HENMT1: variants seen among roughly 807,000 people sequenced by gnomAD.
The protein encoded by HENMT1 is small RNA 2'-O-methyltransferase.
Under a neutral mutation model 31.1 loss-of-function variants are expected in HENMT1, and 27 were observed. The ratio of observed to expected loss-of-function variants is 0.87; its 90% confidence interval spans 0.64 to 1.20. The LOEUF (loss-of-function observed/expected upper bound fraction) is 1.20, where lower values mean the gene tolerates loss of function less well. HENMT1 is among the 50% of genes most tolerant of loss of function. The pLI, the probability that HENMT1 is intolerant of heterozygous loss-of-function variation, is 0.00. For synonymous variants in HENMT1, 167 were observed against 172.2 expected (o/e 0.97, Z 0.24); for missense variants, 438 against 469.6 (o/e 0.93, Z 0.62).
chr1:108,657,976 CACACACACATATATAT>C (rs1010477386), intron 2 of HENMT1, among the ~76,000 whole-genome samples: 20 of 142,668 alleles, frequency 1.4e-4, no homozygotes, highest in Non-Finnish European at 3.0e-4. Flanking sequence ...TATATATATA[CACACACACATATATAT>C]ACACACACAC....
chr1:108,659,834 C>T, intron 2 of HENMT1, 30 bp downstream of exon 2: 1 of 1,366,538 alleles, frequency 7.3e-7, no homozygotes, highest in Non-Finnish European at 1.0e-6. Flanking sequence ...TCTTAAGAGT[C>T]AAAGACGCAG....
chr1:108,649,871 C>A (rs1443347344), intron 7 of HENMT1: 2 of 375,852 alleles, frequency 5.3e-6, no homozygotes, highest in South Asian at 2.1e-5. Context: ...CCAGGCTGCA[C>A]TCGAACTCCT....
At position 108,650,204 on chromosome 1, in the gene HENMT1, T is replaced by C; in HGVS notation, c.756+7A>G. On this transcript the variant is annotated splice_region_variant and intron_variant, in intron 7 of 7. Coordinates refer to ENST00000651461, the MANE Select transcript of HENMT1 (RefSeq NM_001102592.2). The stretch of plus-strand genomic sequence containing the variant: ...GCCCTGATAGCTATCTCACAAAGAA[T>C]ACTCACAGCTTTATAAACATGCTGA... The C allele has an allele frequency of 6.2e-7, 1 of 1,612,822 alleles. No homozygotes were observed. Among genetic ancestry groups the C allele is most frequent in the Non-Finnish European group, 8.5e-7 (1 of 1,179,154 alleles).
intron 2 of HENMT1, among the ~76,000 whole-genome samples, chr1:108,658,122 T>TAG (rs1658320328): frequency 6.8e-6 from 1 of 146,246 alleles, no homozygotes; most frequent in African/African-American, 2.7e-5. Context: ...CACACACATA[T>TAG]ATATATATAT....
intron 2 of HENMT1, among the ~76,000 whole-genome samples, 155 bp from the exon 3 acceptor site, chr1:108,657,734 C>A (rs990701832): frequency 6.6e-6 from 1 of 152,046 alleles, no homozygotes; most frequent in African/African-American, 2.4e-5. Flanking sequence ...TTAGGTAGCA[C>A]TGCATTTCCT....
At chr1:108,654,272 T>A (rs994817032) in intron 5 of HENMT1, among the ~76,000 whole-genome samples, 1 of 152,198 alleles carries the variant, frequency 6.6e-6, no homozygotes, top group African/African-American at 2.4e-5. Context: ...AACCACGATG[T>A]TTTTATTACT....
chr1:108,649,365 A>G (rs1657975915), intron 7 of HENMT1: 2 of 460,084 alleles, frequency 4.3e-6, no homozygotes, highest in Admixed American at 2.3e-5. Context: ...TTTTAGGAAG[A>G]TGGGGCAGGA....
intron 3 of HENMT1, among the ~76,000 whole-genome samples, chr1:108,657,090 T>C (rs1658267747): frequency 6.6e-6 from 1 of 152,186 alleles, no homozygotes; most frequent in South Asian, 2.1e-4. Context: ...TTGTCCCCAC[T>C]GATCAATGGG....
Position 108,651,184 on chromosome 1 carries a change from G to C in HENMT1, c.424C>G (p.Leu142Val), listed in dbSNP as rs772379444. The C allele has an allele frequency of 5.0e-6, 8 of 1,613,728 alleles. No homozygotes were observed. The highest frequency in any genetic ancestry group is 2.7e-5 in the African/African-American group (2 of 74,920). ...AATACCACTTCAGGAAATCTGGCCA[G>C]ATCACCTGAATCCAAATGTTCTATT... Reference protein sequence around the residue: ...ELIEHLDSGDLARFPEVVFGY... With the variant: ...ELIEHLDSGDVARFPEVVFGY... The change falls in exon 6 of 8, where the codon CTG becomes GTG. Residue 142 changes from leucine to valine, a missense_variant. Transcript: ENST00000651461.
chr1:108,658,775 G>C (rs913109805), intron 2 of HENMT1, among the ~76,000 whole-genome samples: 1 of 151,970 alleles, frequency 6.6e-6, no homozygotes, highest in African/African-American at 2.4e-5. Context: ...TGTTCTTATT[G>C]CAACAGTCCT....
chr1:108,650,170 G>C (rs1302449294), intron 7 of HENMT1, 41 bp downstream of exon 7: 1 of 1,582,202 alleles, frequency 6.3e-7, no homozygotes, highest in Non-Finnish European at 8.7e-7. Flanking sequence ...CCATCCTAAT[G>C]TATCTCTAGC....
Position 108,654,713 on chromosome 1 carries a change from T to G in HENMT1, c.398+3A>C. The G allele has an allele frequency of 6.2e-7, 1 of 1,613,954 alleles. No homozygotes were observed. Among genetic ancestry groups the G allele is most frequent in the South Asian group, 1.1e-5 (1 of 91,076 alleles). ...TTATACAGTGTATCAGTTTAAAACTTACAATTCAATACACGTTATCAAGTC... is the reference window on the plus strand; with the variant it reads ...TTATACAGTGTATCAGTTTAAAACTGACAATTCAATACACGTTATCAAGTC... On this transcript the variant is annotated splice_donor_region_variant and intron_variant, in intron 5 of 7. Transcript: ENST00000651461.
chr1:108,651,311 T>A, intron 5 of HENMT1, 102 bp from the exon 6 acceptor site: 1 of 965,936 alleles, frequency 1.0e-6, no homozygotes. Flanking sequence ...TATCGATTTC[T>A]CCCTTCTTTG....
At chr1:108,654,316 G>A (rs537092721) in intron 5 of HENMT1, among the ~76,000 whole-genome samples, 1 of 152,254 alleles carries the variant, frequency 6.6e-6, no homozygotes, top group South Asian at 2.1e-4. Context: ...GTCAAGTAGT[G>A]TGAGGCCTCC....
intron 7 of HENMT1, 83 bp downstream of exon 7, chr1:108,650,128 C>T (rs776657758): frequency 8.3e-7 from 1 of 1,199,202 alleles, no homozygotes; most frequent in Non-Finnish European, 1.2e-6. Context: ...CTCATCTCTA[C>T]TTTGGGGATT....
At chr1:108,651,328 T>A (rs1658048018) in intron 5 of HENMT1, 119 bp from the exon 6 acceptor site, 1 of 789,322 alleles carries the variant, frequency 1.3e-6, no homozygotes, top group Non-Finnish European at 2.0e-6. Flanking sequence ...TTTGAATATG[T>A]AATAATGCTT....
Position 108,648,660 on chromosome 1 carries a change from C to A in HENMT1, c.1088G>T (p.Arg363Ile), listed in dbSNP as rs773615407. Residue 363 changes from arginine (R) to isoleucine (I), a missense_variant, in exon 8 of 8, where the codon AGA (arginine) becomes ATA (isoleucine). Transcript: ENST00000651461. ...NRLCANEEMM[R>I]SVIADSIPLS... ...AGGAATTGAGTCAGCAATGACTGAT[C>A]TCATCATCTCTTCATTAGCACATAA... 7 of 1,614,170 alleles carry A rather than the reference C, an allele frequency of 4.3e-6. No homozygotes were observed. The highest frequency in any genetic ancestry group is 5.9e-6 in the Non-Finnish European group (7 of 1,180,016).
chr1:108,660,368 A>AT (rs1658413169), intron 1 of HENMT1, among the ~76,000 whole-genome samples: 1 of 152,208 alleles, frequency 6.6e-6, no homozygotes, highest in African/African-American at 2.4e-5. Flanking sequence ...GTTCAACTAG[A>AT]TACAAACGGA....
chr1:108,655,848 TACACACACACACACACACACACACACAC>T (rs61122468), intron 3 of HENMT1, 150 bp from the exon 4 acceptor site: 4 of 233,944 alleles, frequency 1.7e-5, no homozygotes, highest in Non-Finnish European at 2.5e-5. Context: ...CAGAAGATGC[TACACACACACACACACACACACACACAC>T]ACACACACAC....
Sources: allele counts gnomAD v4.1 joint callset (sites outside exome capture counted in the v4.1 genomes callset), GRCh38; gene constraint gnomAD v4.1.1; transcripts MANE v1.5; gene names NCBI Gene and HGNC (gene_info 2026-07-23, HGNC 2026-07-21).